The following RFTN1 variants were observed in gnomAD, a reference collection of about 807,000 sequenced individuals.
RFTN1 encodes the protein raftlin.
Under a neutral mutation model 46.5 loss-of-function variants are expected in RFTN1, and 26 were observed. The observed-to-expected ratio is 0.56, with a 90% CI of 0.41 to 0.78. RFTN1 has a LOEUF of 0.78. Among genes scored for constraint, RFTN1 ranks in the 30% least tolerant of loss-of-function variants. The probability of loss-of-function intolerance (pLI) is 0.00; values close to 1 mark genes in which losing one functional copy is unlikely to be tolerated. For missense variants in RFTN1, 693 were observed against 718.7 expected (o/e 0.96, Z 0.41); for synonymous variants, 261 against 284.2 (o/e 0.92, Z 0.82).
intron 4 of RFTN1, among the ~76,000 whole-genome samples, chr3:16,393,038 G>T (rs1158779291): frequency 2.7e-5 from 4 of 149,554 alleles, no homozygotes; most frequent in Admixed American, 2.7e-4. Flanking sequence ...CATGCTAAAT[G>T]ACCTATTCTG....
Position 16,495,780 on chromosome 3 carries a change from C to T in RFTN1, c.-8-1903G>A, listed in dbSNP as rs370905253. 3.9e-5 allele frequency among the ~76,000 whole-genome samples: 6 copies of T among 152,202 alleles called. No homozygotes were observed. In the East Asian group the frequency reaches 9.6e-4, roughly 24 times the overall value. ...TTTGTGAGAATTCGAAAAAGGTGCCCCCTCTTCTGAGGAATGCAGCCCTGT... is the reference window on the plus strand; with the variant it reads ...TTTGTGAGAATTCGAAAAAGGTGCCTCCTCTTCTGAGGAATGCAGCCCTGT... On this transcript the variant is annotated intron_variant, in intron 1 of 9. Coordinates refer to ENST00000334133, the MANE Select transcript of RFTN1 (RefSeq NM_015150.2).
chr3:16,434,087 T>C, intron 2 of RFTN1, 50 bp from the exon 3 acceptor site: 1 of 1,471,700 alleles, frequency 6.8e-7, no homozygotes, highest in South Asian at 1.4e-5. Flanking sequence ...CAACGCCCAC[T>C]CAGCCCTGCC....
intron 7 of RFTN1, among the ~76,000 whole-genome samples, chr3:16,343,014 T>C (rs1024368873): frequency 7.2e-5 from 11 of 152,178 alleles, no homozygotes; most frequent in African/African-American, 2.7e-4. Context: ...CTAATTTTTA[T>C]TTTTTTAATG....
intron 4 of RFTN1, among the ~76,000 whole-genome samples, chr3:16,397,465 G>A (rs997859433): frequency 2.0e-5 from 3 of 152,144 alleles, no homozygotes; most frequent in African/African-American, 7.2e-5. Flanking sequence ...TTGTATACTG[G>A]AAATTTGCTG....
intron 2 of RFTN1, among the ~76,000 whole-genome samples, chr3:16,439,107 GA>G (rs1176174727): frequency 1.3e-5 from 2 of 152,026 alleles, no homozygotes; most frequent in African/African-American, 4.8e-5. Context: ...ATGGTTAAAA[GA>G]AACAAATAAA....
chr3:16,350,605 G>A (rs1008555033), intron 7 of RFTN1, among the ~76,000 whole-genome samples: 1 of 152,102 alleles, frequency 6.6e-6, no homozygotes, highest in South Asian at 2.1e-4. Flanking sequence ...TCAAAGTACT[G>A]AAGGCGCTGC....
intron 6 of RFTN1, among the ~76,000 whole-genome samples, chr3:16,368,230 T>C (rs1196933108): frequency 1.3e-5 from 2 of 152,172 alleles, no homozygotes; most frequent in Non-Finnish European, 2.9e-5. Context: ...CCGCCACTGG[T>C]GTTTTATGAT....
Position 16,512,202 on chromosome 3 carries a change from G to A in RFTN1, c.-9+1240C>T, listed in dbSNP as rs1051298087. Among the ~76,000 whole-genome samples the A allele has an allele frequency of 1.6e-4, 24 of 152,098 alleles. No homozygotes were observed. Among genetic ancestry groups the A allele is most frequent in the African/African-American group, 5.6e-4 (23 of 41,396 alleles). On this transcript the variant is annotated intron_variant, in intron 1 of 9. Transcript: ENST00000334133. This position sits in a 1 kb window ranked among gnomAD's most constrained non-coding sequence, Gnocchi z 4.3. ...AAATTAGGAATCCCGGCAGCAGAGAGGCCCTACCCACAGGCCCAGAGGTCG... is the reference window on the plus strand; with the variant it reads ...AAATTAGGAATCCCGGCAGCAGAGAAGCCCTACCCACAGGCCCAGAGGTCG...
Position 16,428,686 on chromosome 3 carries a change from A to G in RFTN1, c.332+5165T>C, listed in dbSNP as rs971877271. Among the ~76,000 whole-genome samples, 3 of 152,300 alleles carry G rather than the reference A, an allele frequency of 2.0e-5. No individual in the cohort carries two copies. Among genetic ancestry groups the G allele is most frequent in the Admixed American group, 6.5e-5 (1 of 15,296 alleles). On this transcript the variant is annotated intron_variant, in intron 3 of 9. Transcript: ENST00000334133. The surrounding 1 kb of genome is among the most constrained non-coding windows in gnomAD (Gnocchi z 4.7). ...CTCATTCATGATGAAAAACACACCAATGACGCCCCTAGCTCCATGTGTGTA... is the reference window on the plus strand; with the variant it reads ...CTCATTCATGATGAAAAACACACCAGTGACGCCCCTAGCTCCATGTGTGTA...
In RFTN1 at chr3:16,352,519, A is replaced by T. The variant is rs921694682; in HGVS notation, c.1146+5413T>A. 1.3e-5 allele frequency among the ~76,000 whole-genome samples: 2 copies of T among 152,230 alleles called. No homozygotes were observed. The highest frequency in any genetic ancestry group is 4.8e-5 in the African/African-American group (2 of 41,458). ...CTATGGATAGACATTTATCTTACAA[A>T]TGCCTTTAATTTTAGGCTGTAGGTT... On this transcript the variant is annotated intron_variant, in intron 7 of 9. Coordinates refer to ENST00000334133, the MANE Select transcript of RFTN1 (RefSeq NM_015150.2). The surrounding 1 kb of genome is among the most constrained non-coding windows in gnomAD (Gnocchi z 4.6).
Position 16,342,036 on chromosome 3 carries a change from TTTA to T in RFTN1, c.1147-15163_1147-15161del, listed in dbSNP as rs1368171785. Among the ~76,000 whole-genome samples the T allele has an allele frequency of 1.3e-5, 2 of 152,320 alleles. No homozygotes were observed. The highest frequency in any genetic ancestry group is 2.1e-4 in the South Asian group (1 of 4,822). The stretch of plus-strand genomic sequence containing the variant: ...ACCACTTGTCACTTTTTTCAACATC[TTTA>T]TTGATATATAATTGGATATCTTAAA... On this transcript the variant is annotated intron_variant, in intron 7 of 9. Coordinates refer to ENST00000334133, the MANE Select transcript of RFTN1 (RefSeq NM_015150.2). This position sits in a 1 kb window ranked among gnomAD's most constrained non-coding sequence, Gnocchi z 4.0.
At chr3:16,455,661 G>C (rs2075893086) in intron 2 of RFTN1, among the ~76,000 whole-genome samples, 1 of 152,128 alleles carries the variant, frequency 6.6e-6, no homozygotes, top group African/African-American at 2.4e-5. Flanking sequence ...TGTGTTCAAA[G>C]GACAGTGGCA....
At position 16,442,501 on chromosome 3, in the gene RFTN1, T is replaced by C. The variant is rs746410750; in HGVS notation, c.146-8464A>G. Among the ~76,000 whole-genome samples the C allele has an allele frequency of 3.9e-5, 6 of 152,194 alleles. No individual in the cohort carries two copies. The highest frequency in any genetic ancestry group is 7.2e-5 in the African/African-American group (3 of 41,440). On this transcript the variant is annotated intron_variant, in intron 2 of 9. Transcript: ENST00000334133. The surrounding 1 kb of genome is among the most constrained non-coding windows in gnomAD (Gnocchi z 4.1). The stretch of plus-strand genomic sequence containing the variant: ...AGGTGTACAACATGATGCCTCAATG[T>C]ATATATACTTAGTTCAAATGATTAC...
At chr3:16,326,624 G>C in intron 8 of RFTN1, 149 bp downstream of exon 8, 1 of 620,002 alleles carries the variant, frequency 1.6e-6, no homozygotes, top group South Asian at 2.0e-5. Flanking sequence ...TGAAATTCTG[G>C]CTCTGCTGCT....
rs2076499120 is a variant in RFTN1, at chr3:16,489,108, C to T, written c.145+4617G>A. ...GTACTATTTGATTCCATTTATATAA[C>T]ATCCTGGGAAATAAAATCAGTGATG... On this transcript the variant is annotated intron_variant, in intron 2 of 9. Coordinates refer to ENST00000334133, the MANE Select transcript of RFTN1 (RefSeq NM_015150.2). This position sits in a 1 kb window ranked among gnomAD's most constrained non-coding sequence, Gnocchi z 4.0. 2.0e-5 allele frequency among the ~76,000 whole-genome samples: 3 copies of T among 152,288 alleles called. No homozygotes were observed. The South Asian group carries it at 6.2e-4, about 32-fold the overall frequency.
chr3:16,491,152 G>A (rs1575366091), intron 2 of RFTN1, among the ~76,000 whole-genome samples: 1 of 152,154 alleles, frequency 6.6e-6, no homozygotes, highest in South Asian at 2.1e-4. Flanking sequence ...GAGAATTGGG[G>A]AGAAGGTAGA....
rs905859771 is a variant in RFTN1 at position 16,472,994 on chromosome 3, C to T, written c.145+20731G>A. ...TCTGCACAGAGTCAGACAGGTAGGG[C>T]GACCCCAAAAGTTCATCTCCCTTCT... On this transcript the variant is annotated intron_variant, in intron 2 of 9. Coordinates refer to ENST00000334133, the MANE Select transcript of RFTN1 (RefSeq NM_015150.2). Among the ~76,000 whole-genome samples, 10 of 152,104 alleles carry T rather than the reference C, an allele frequency of 6.6e-5. No individual in the cohort carries two copies. In the South Asian group the frequency reaches 1.0e-3, roughly 16 times the overall value.
intron 2 of RFTN1, among the ~76,000 whole-genome samples, chr3:16,469,677 G>A (rs1482536545): frequency 3.3e-5 from 5 of 152,248 alleles, no homozygotes; most frequent in Non-Finnish European, 7.3e-5. Flanking sequence ...ATGCTGGCCT[G>A]AGGCCCCTCC....
rs183179564 is a variant in RFTN1, at chr3:16,446,801, C to T, written c.146-12764G>A. 1.4e-3 allele frequency among the ~76,000 whole-genome samples: 208 copies of T among 152,262 alleles called. No homozygotes were observed. Among genetic ancestry groups the T allele is most frequent in the African/African-American group, 4.6e-3 (190 of 41,556 alleles). On this transcript the variant is annotated intron_variant, in intron 2 of 9. Coordinates refer to ENST00000334133, the MANE Select transcript of RFTN1 (RefSeq NM_015150.2). This position sits in a 1 kb window ranked among gnomAD's most constrained non-coding sequence, Gnocchi z 4.5. ...TTGAGTTTGGCATCTACACAGGAAA[C>T]GAGGTCATTTCTTTTTCTCCTGAGT...
Sources: allele counts gnomAD v4.1 joint callset (sites outside exome capture counted in the v4.1 genomes callset), GRCh38; gene constraint gnomAD v4.1.1; non-coding constraint Gnocchi (gnomAD v3.1); transcripts MANE v1.5; gene names NCBI Gene and HGNC (gene_info 2026-07-23, HGNC 2026-07-21).